DNAI4: variants seen among roughly 807,000 people sequenced by gnomAD.
DNAI4 encodes the protein WD repeat domain 78.
DNAI4 carries 85 observed loss-of-function variants against 105.8 expected under a neutral mutation model. The observed-to-expected ratio is 0.80, with a 90% confidence interval of 0.67 to 0.96. The LOEUF is 0.96. Ranked by LOEUF, DNAI4 falls within the 40% of genes least tolerant of loss-of-function variation. The pLI is 0.00. For synonymous variants in DNAI4, 352 were observed against 331.5 expected (o/e 1.06, Z -0.67); for missense variants, 1,014 against 1,005.6 (o/e 1.01, Z -0.11).
chr1:66,865,490 T>G (rs1166803979), intron 6 of DNAI4, among the ~76,000 whole-genome samples: 1 of 152,174 alleles, frequency 6.6e-6, no homozygotes, highest in East Asian at 1.9e-4. Flanking sequence ...TGCCTGATTT[T>G]GGATGAAACT....
chr1:66,837,571 C>A, intron 10 of DNAI4, 139 bp downstream of exon 10: 2 of 1,025,828 alleles, frequency 1.9e-6, no homozygotes, highest in Non-Finnish European at 2.8e-6. Flanking sequence ...ATTTTAATTG[C>A]TATGAAGTTA....
intron 7 of DNAI4, among the ~76,000 whole-genome samples, chr1:66,855,308 G>T (rs922994113): frequency 3.9e-5 from 6 of 152,126 alleles, no homozygotes; most frequent in African/African-American, 1.4e-4. Flanking sequence ...TCTGCCTTCT[G>T]ACCAACTCTG....
intron 1 of DNAI4, among the ~76,000 whole-genome samples, chr1:66,909,065 C>T (rs570129459): frequency 2.6e-4 from 40 of 152,190 alleles, no homozygotes; most frequent in African/African-American, 8.9e-4. Flanking sequence ...TGCCTATTCA[C>T]GGACATTGCT....
rs141810718 is a variant in DNAI4 at position 66,875,305 on chromosome 1, T to C, written c.644-368A>G. ...AGGGGGCATAATAAGCAACACTTCT[T>C]TGAGCCGTGAAGTTAACTTCTAATT... On this transcript the variant is annotated intron_variant, in intron 4 of 16. Transcript: ENST00000371026. Among the ~76,000 whole-genome samples the C allele has an allele frequency of 2.6e-5, 4 of 152,306 alleles. No individual in the cohort carries two copies. The East Asian group carries it at 7.7e-4, about 29-fold the overall frequency.
At chr1:66,836,202 A>AGAGAGAG (rs1645994384) in intron 10 of DNAI4, among the ~76,000 whole-genome samples, 25 of 50,814 alleles carry the variant, frequency 4.9e-4, no homozygotes, top group Non-Finnish European at 1.0e-3. Context: ...GAAAGAAAGA[A>AGAGAGAG]AGAAAGAGAG....
intron 4 of DNAI4, among the ~76,000 whole-genome samples, chr1:66,889,369 G>A (rs1647399736): frequency 6.6e-6 from 1 of 152,122 alleles, no homozygotes; most frequent in African/African-American, 2.4e-5. Flanking sequence ...AAAATGCCCA[G>A]AGTGAGCTAG....
At chr1:66,897,894 GTA>G (rs1193294565) in intron 2 of DNAI4, among the ~76,000 whole-genome samples, 1 of 152,136 alleles carries the variant, frequency 6.6e-6, no homozygotes, top group Admixed American at 6.6e-5. Flanking sequence ...CCCCTAAAGG[GTA>G]ATGCCTAGTG....
At chr1:66,835,486 T>C (rs1645964606) in intron 11 of DNAI4, 140 bp downstream of exon 11, 1 of 870,256 alleles carries the variant, frequency 1.1e-6, no homozygotes, top group African/African-American at 1.7e-5. Context: ...AGAGACAATA[T>C]GAGGGATTAT....
chr1:66,908,559 C>T (rs1038244993), intron 1 of DNAI4, among the ~76,000 whole-genome samples: 1 of 152,196 alleles, frequency 6.6e-6, no homozygotes, highest in Non-Finnish European at 1.5e-5. Context: ...GGTGGGCCCC[C>T]TCTTCCTTGG....
chr1:66,854,915 A>G (rs1646469281), intron 7 of DNAI4, among the ~76,000 whole-genome samples: 1 of 152,366 alleles, frequency 6.6e-6, no homozygotes, highest in South Asian at 2.1e-4. Flanking sequence ...GACTTAACAC[A>G]GTAAAGATAT....
At chr1:66,916,575 G>C (rs1470678986) in intron 1 of DNAI4, among the ~76,000 whole-genome samples, 3 of 152,056 alleles carry the variant, frequency 2.0e-5, no homozygotes, top group Non-Finnish European at 4.4e-5. Context: ...TTGGAATGTG[G>C]GATTTTAAGG....
chr1:66,826,735 C>A (rs1645762035), intron 15 of DNAI4, 85 bp downstream of exon 15: 9 of 1,169,664 alleles, frequency 7.7e-6, no homozygotes, highest in South Asian at 1.4e-5. Flanking sequence ...AACTACAATA[C>A]CCTCTAACTG....
At chr1:66,825,797 AT>A (rs1252730180) in intron 15 of DNAI4, among the ~76,000 whole-genome samples, 7 of 152,332 alleles carry the variant, frequency 4.6e-5, no homozygotes, top group Admixed American at 2.6e-4. Context: ...CCAGGACAAA[AT>A]TTTAAAGTTA....
chr1:66,822,297 G>A, intron 16 of DNAI4, 64 bp downstream of exon 16: 1 of 1,360,820 alleles, frequency 7.3e-7, no homozygotes, highest in Non-Finnish European at 9.9e-7. Flanking sequence ...TCCTTTGCAT[G>A]CTACAAAAGT....
At chr1:66,892,249 A>G (rs1647719191) in intron 3 of DNAI4, among the ~76,000 whole-genome samples, 1 of 152,146 alleles carries the variant, frequency 6.6e-6, no homozygotes, top group South Asian at 2.1e-4. Flanking sequence ...GTACTCCTAT[A>G]TTTTTGCAGG....
intron 1 of DNAI4, among the ~76,000 whole-genome samples, chr1:66,923,787 G>A (rs549548849): frequency 6.6e-6 from 1 of 152,296 alleles, no homozygotes; most frequent in African/African-American, 2.4e-5. Flanking sequence ...GAGAGGGGAA[G>A]AGAAAACAAA....
In DNAI4 at chr1:66,814,160, C is replaced by T. The variant is rs373824005; in HGVS notation, c.2517G>A (p.Leu839=). The T allele has an allele frequency of 6.3e-7, 1 of 1,587,044 alleles. No individual in the cohort carries two copies. Among genetic ancestry groups the T allele is most frequent in the African/African-American group, 1.4e-5 (1 of 73,828 alleles). Residue 839 remains leucine (L), a synonymous_variant, in exon 17 of 17, where the codon TTG becomes TTA. Transcript: ENST00000371026. The part of the protein sequence containing the change: ...ETGRGDIMDT[L]LGSKSNQSA The stretch of plus-strand genomic sequence containing the variant: ...CTGATTGGTTTGACTTGGATCCAAG[C>T]AAAGTATCCATTATATCTCCCTGAA...
chr1:66,851,508 G>A (rs1315701373), intron 7 of DNAI4, among the ~76,000 whole-genome samples: 1 of 151,672 alleles, frequency 6.6e-6, no homozygotes. Context: ...ACACATCCCA[G>A]GCCATACAAC....
intron 1 of DNAI4, chr1:66,919,202 C>A: frequency 2.9e-6 from 1 of 350,660 alleles, no homozygotes. Context: ...GGGTACACAT[C>A]CTGAACCTTG....
Sources: gnomAD v4.1 joint callset for allele counts (sites outside exome capture counted in the v4.1 genomes callset) on GRCh38, gnomAD v4.1.1 for gene constraint, MANE v1.5 for transcripts, NCBI Gene and HGNC (gene_info 2026-07-23, HGNC 2026-07-21) for gene names.